The following ADD1 variants were observed in gnomAD, a reference collection of about 807,000 sequenced individuals.
The protein encoded by ADD1 is alpha-adducin.
A neutral mutation model predicts 80.5 loss-of-function variants in ADD1; 24 were observed. The ratio of observed to expected loss-of-function variants is 0.30; its 90% CI spans 0.22 to 0.42. The LOEUF is 0.42. Ranked by LOEUF, ADD1 falls within the 10% of genes least tolerant of loss-of-function variation. The pLI is 1.00. For missense variants in ADD1, 948 were observed against 1,019.0 expected (o/e 0.93, Z 0.95); for synonymous variants, 373 against 393.8 (o/e 0.95, Z 0.63).
chr4:2,912,759 T>A (rs931716271), intron 13 of ADD1, among the ~76,000 whole-genome samples: 3 of 152,194 alleles, frequency 2.0e-5, no homozygotes, highest in African/African-American at 7.2e-5. Context: ...ACTCCTGGGC[T>A]CAAGCAATCC....
At chr4:2,876,827 A>G (rs1395366851) in intron 2 of ADD1, among the ~76,000 whole-genome samples, 1 of 147,882 alleles carries the variant, frequency 6.8e-6, no homozygotes, top group African/African-American at 2.5e-5. Flanking sequence ...TGACATAGAG[A>G]GACTCCGTCC....
chr4:2,913,488 C>G (rs1738427728), intron 13 of ADD1, among the ~76,000 whole-genome samples: 1 of 152,216 alleles, frequency 6.6e-6, no homozygotes, highest in Admixed American at 6.5e-5. Flanking sequence ...GCCAATGGGC[C>G]TCGAGTCAGA....
At chr4:2,874,755 A>C (rs890058651) in intron 1 of ADD1, among the ~76,000 whole-genome samples, 2 of 152,226 alleles carry the variant, frequency 1.3e-5, no homozygotes, top group Admixed American at 1.3e-4. Context: ...CCACAATAAA[A>C]ATATCTTTTT....
intron 13 of ADD1, among the ~76,000 whole-genome samples, chr4:2,913,082 A>C (rs894292809): frequency 1.3e-5 from 2 of 152,092 alleles, no homozygotes; most frequent in African/African-American, 4.8e-5. Context: ...TCCTGACCTC[A>C]GGTGATCCAC....
Position 2,926,575 on chromosome 4 carries a change from T to C in ADD1, c.2047+463T>C, listed in dbSNP as rs781449835. 4 of 1,572,758 alleles carry C rather than the reference T, an allele frequency of 2.5e-6. No individual in the cohort carries two copies. The highest frequency in any genetic ancestry group is 2.3e-5 in the East Asian group (1 of 44,172). ...CTGCCTTTCTTCTTCTGTAACCTGATGGCTGTGACTGAATGCATAGATTCT... is the reference window on the plus strand; with the variant it reads ...CTGCCTTTCTTCTTCTGTAACCTGACGGCTGTGACTGAATGCATAGATTCT... On this transcript the variant is annotated intron_variant, in intron 15 of 15. Transcript: ENST00000683351. This position sits in a 1 kb window ranked among gnomAD's most constrained non-coding sequence, Gnocchi z 5.0.
chr4:2,910,116 C>T (rs1272245119), intron 13 of ADD1, among the ~76,000 whole-genome samples: 1 of 148,280 alleles, frequency 6.7e-6, no homozygotes, highest in East Asian at 2.0e-4. Flanking sequence ...AACCCACCCA[C>T]GTAGAAGGAA....
At position 2,873,174 on chromosome 4, in the gene ADD1, T is replaced by G. The variant is rs188207707; in HGVS notation, c.-20-2722T>G. On this transcript the variant is annotated intron_variant, in intron 1 of 15. Transcript: ENST00000683351. ...CGCCCCGCTAATTTTTGCATTTTTA[T>G]TAGAAACAGGGTGTCACCATGTTGC... Among the ~76,000 whole-genome samples, 163 of 152,164 alleles carry G rather than the reference T, an allele frequency of 1.1e-3. 1 individual carries two copies. The highest frequency in any genetic ancestry group is 3.5e-3 in the Admixed American group (54 of 15,284).
At chr4:2,882,739 T>G (rs115074743) in intron 3 of ADD1, among the ~76,000 whole-genome samples, 1 of 152,226 alleles carries the variant, frequency 6.6e-6, no homozygotes. Flanking sequence ...TCAACAGATC[T>G]GATATATATT....
chr4:2,894,949 G>C (rs1734944860), intron 6 of ADD1, among the ~76,000 whole-genome samples: 1 of 152,070 alleles, frequency 6.6e-6, no homozygotes, highest in East Asian at 1.9e-4. Flanking sequence ...CATGTAATAA[G>C]TCTGAAAATG....
intron 4 of ADD1, among the ~76,000 whole-genome samples, chr4:2,893,793 C>G (rs879294846): frequency 5.9e-5 from 9 of 152,016 alleles, no homozygotes; most frequent in Non-Finnish European, 1.2e-4. Context: ...AGTCAGTTAT[C>G]ATGAACGTGA....
rs767215296 is a variant in ADD1 at position 2,909,316 on chromosome 4, G to T, written c.1699-23G>T. 9 of 1,539,090 alleles carry T rather than the reference G, an allele frequency of 5.8e-6. No individual in the cohort carries two copies. In the East Asian group the frequency reaches 2.2e-4, roughly 38 times the overall value. ...TCACAGGCTGGGCCTGGTGTGCTCT[G>T]GTGACTCAGTTTACTGTTTCAGGAT... On this transcript the variant is annotated intron_variant, in intron 12 of 15. Transcript: ENST00000683351.
intron 1 of ADD1, among the ~76,000 whole-genome samples, chr4:2,864,622 G>C (rs1729274359): frequency 6.6e-6 from 1 of 152,082 alleles, no homozygotes; most frequent in African/African-American, 2.4e-5. Context: ...GTCCTGCTCT[G>C]TGTGCCCTTC....
chr4:2,859,668 C>T (rs1560148686), intron 1 of ADD1, among the ~76,000 whole-genome samples: 1 of 152,206 alleles, frequency 6.6e-6, no homozygotes, highest in Non-Finnish European at 1.5e-5. Context: ...GTGATAGCCT[C>T]TGCTTCCTTT....
At chr4:2,894,387 A>C (rs555106954) in intron 5 of ADD1, among the ~76,000 whole-genome samples, 195 bp from the exon 6 acceptor site, 1 of 151,612 alleles carries the variant, frequency 6.6e-6, no homozygotes, top group South Asian at 2.1e-4. Flanking sequence ...CGGTACCCCA[A>C]CTCTACAAAA....
chr4:2,861,541 G>A (rs1255614900), intron 1 of ADD1, among the ~76,000 whole-genome samples: 1 of 152,160 alleles, frequency 6.6e-6, no homozygotes, highest in Non-Finnish European at 1.5e-5. Flanking sequence ...GTTGGCATTT[G>A]GACATACAAG....
chr4:2,917,056 G>A (rs781736354), intron 14 of ADD1, among the ~76,000 whole-genome samples: 13 of 152,158 alleles, frequency 8.5e-5, no homozygotes, highest in Admixed American at 6.5e-4. Flanking sequence ...ACCCAGTAAC[G>A]GGATTGCTGG....
chr4:2,898,553 C>T, intron 8 of ADD1, 22 bp downstream of exon 8: 4 of 1,595,212 alleles, frequency 2.5e-6, no homozygotes, highest in Non-Finnish European at 3.4e-6. Flanking sequence ...CCATTCCAGT[C>T]ACTCTGCAGT....
At chr4:2,909,152 G>A in intron 12 of ADD1, 187 bp from the exon 13 acceptor site, 1 of 602,146 alleles carries the variant, frequency 1.7e-6, no homozygotes, top group Non-Finnish European at 3.0e-6. Flanking sequence ...GTAGACGATT[G>A]TTGGATTTGT....
intron 4 of ADD1, among the ~76,000 whole-genome samples, chr4:2,886,830 C>T (rs557928534): frequency 2.8e-4 from 42 of 152,306 alleles, no homozygotes; most frequent in African/African-American, 9.6e-4. Context: ...CCTCTGTCAT[C>T]TAATTATACT....
Sources: gnomAD v4.1 joint callset for allele counts (sites outside exome capture counted in the v4.1 genomes callset) on GRCh38, gnomAD v4.1.1 for gene constraint, Gnocchi (gnomAD v3.1) non-coding constraint, MANE v1.5 for transcripts, NCBI Gene and HGNC (gene_info 2026-07-23, HGNC 2026-07-21) for gene names.